The following CNTN4 variants were observed in gnomAD, a reference collection of about 807,000 sequenced individuals.
CNTN4 encodes the protein contactin-4.
CNTN4 carries 77 observed loss-of-function variants against 122.5 expected under a neutral mutation model. The ratio of observed to expected loss-of-function variants is 0.63; its 90% CI spans 0.52 to 0.76. CNTN4 has a LOEUF of 0.76. CNTN4 is among the 30% of genes least tolerant of loss of function. The pLI is 0.00. For synonymous variants in CNTN4, 512 were observed against 447.0 expected, an observed-to-expected ratio of 1.15 and a Z score of -1.83; for missense variants, 1,256 against 1,259.1, an observed-to-expected ratio of 1.00 and a Z score of 0.04.
chr3:2,560,715 T>C (rs1392009317), intron 3 of CNTN4, among the ~76,000 whole-genome samples: 2 of 152,202 alleles, frequency 1.3e-5, no homozygotes, highest in Admixed American at 6.5e-5. Flanking sequence ...GTTGCATTTG[T>C]GCACTGTTGC....
intron 7 of CNTN4, 160 bp from the exon 8 acceptor site, chr3:2,866,591 GC>G: frequency 8.8e-7 from 1 of 1,137,800 alleles, no homozygotes; most frequent in Non-Finnish European, 1.2e-6. Flanking sequence ...CTGGTAAAAT[GC>G]CACGGGGGAC....
At chr3:2,480,509 A>C (rs2075960888) in intron 3 of CNTN4, among the ~76,000 whole-genome samples, 1 of 152,216 alleles carries the variant, frequency 6.6e-6, no homozygotes, top group Non-Finnish European at 1.5e-5. Context: ...AAAACATAAT[A>C]CCATTTATGT....
chr3:3,038,453 C>G (rs567871842), intron 18 of CNTN4, among the ~76,000 whole-genome samples: 2 of 152,168 alleles, frequency 1.3e-5, no homozygotes, highest in East Asian at 1.9e-4. Flanking sequence ...GAACGCCCCC[C>G]GCTTCTCCAT....
intron 4 of CNTN4, 112 bp downstream of exon 4, chr3:2,571,670 T>C: frequency 1.3e-6 from 1 of 784,774 alleles, no homozygotes; most frequent in South Asian, 1.4e-5. Flanking sequence ...GAGTATATGC[T>C]GCTATGACTA....
intron 3 of CNTN4, among the ~76,000 whole-genome samples, chr3:2,509,388 T>G (rs1295881308): frequency 6.6e-6 from 1 of 152,218 alleles, no homozygotes; most frequent in Non-Finnish European, 1.5e-5. Flanking sequence ...CTGGTTACCT[T>G]ACAGAAATTG....
intron 2 of CNTN4, among the ~76,000 whole-genome samples, chr3:2,131,550 T>C (rs962141292): frequency 5.9e-5 from 9 of 152,044 alleles, no homozygotes; most frequent in African/African-American, 2.2e-4. Flanking sequence ...TAGGGTAAAG[T>C]GGGGTGTCAC....
At chr3:2,883,331 T>G in intron 9 of CNTN4, 84 bp downstream of exon 9, 2 of 990,314 alleles carry the variant, frequency 2.0e-6, no homozygotes. Flanking sequence ...ACAGCGATGG[T>G]TTCTGAGGTG....
chr3:2,885,722 A>G, intron 9 of CNTN4, among the ~76,000 whole-genome samples: 1 of 152,218 alleles, frequency 6.6e-6, no homozygotes, highest in East Asian at 1.9e-4. Context: ...TTTGTGGGTT[A>G]AGAATTCAGG....
intron 3 of CNTN4, among the ~76,000 whole-genome samples, chr3:2,448,256 C>T (rs770570527): frequency 2.6e-5 from 4 of 152,250 alleles, no homozygotes; most frequent in East Asian, 3.9e-4. Context: ...ATGTAGTGTC[C>T]AGTTGGAAGC....
At position 2,407,989 on chromosome 3, in the gene CNTN4, G is replaced by A. The variant is rs147012913; in HGVS notation, c.-89+68756G>A. Among the ~76,000 whole-genome samples, 7 of 152,244 alleles carry A rather than the reference G, an allele frequency of 4.6e-5. No individual in the cohort carries two copies. The East Asian group carries it at 7.7e-4, about 17-fold the overall frequency. Reference sequence around the variant, plus strand: ...ATATTTATTTAAAGTTTATTTATGAGCAGTATGGTAGTTTAAAAGGATTAT... The same window carrying A: ...ATATTTATTTAAAGTTTATTTATGAACAGTATGGTAGTTTAAAAGGATTAT... On this transcript the variant is annotated intron_variant, in intron 3 of 24. Coordinates refer to ENST00000418658, the MANE Select transcript of CNTN4 (RefSeq NM_175607.3).
intron 6 of CNTN4, 148 bp downstream of exon 6, chr3:2,745,845 T>G: frequency 1.4e-6 from 1 of 719,314 alleles, no homozygotes; most frequent in Non-Finnish European, 2.4e-6. Context: ...TGGAAACAAT[T>G]TTATTTGTAG....
chr3:2,734,416 T>C (rs1343542605), intron 4 of CNTN4, among the ~76,000 whole-genome samples: 2 of 152,130 alleles, frequency 1.3e-5, no homozygotes, highest in African/African-American at 2.4e-5. Flanking sequence ...ATCTTATTGA[T>C]TTATAGATGA....
At chr3:2,366,035 A>T (rs1037455950) in intron 3 of CNTN4, among the ~76,000 whole-genome samples, 1 of 152,178 alleles carries the variant, frequency 6.6e-6, no homozygotes, top group Non-Finnish European at 1.5e-5. Context: ...GTTACAATAC[A>T]ATATTTTATC....
intron 14 of CNTN4, among the ~76,000 whole-genome samples, chr3:3,021,115 T>G (rs1047864983): frequency 6.6e-6 from 1 of 152,182 alleles, no homozygotes; most frequent in Non-Finnish European, 1.5e-5. Context: ...AGTAGCTGAT[T>G]TTTTAAGTGT....
rs558336135 is a variant in CNTN4, at chr3:2,175,963, C to G, written c.-145+75324C>G. Among the ~76,000 whole-genome samples the G allele has an allele frequency of 3.9e-5, 6 of 152,270 alleles. No individual in the cohort carries two copies. In the East Asian group the frequency reaches 1.2e-3, roughly 29 times the overall value. ...ACCCCTTCATCTTTAAGTTAAATCT[C>G]ATGAACTCAAGTTACCTGAAAATAT... On this transcript the variant is annotated intron_variant, in intron 2 of 24. Coordinates refer to ENST00000418658, the MANE Select transcript of CNTN4 (RefSeq NM_175607.3).
intron 6 of CNTN4, among the ~76,000 whole-genome samples, chr3:2,782,502 T>TG (rs1283811866): frequency 5.9e-5 from 9 of 151,378 alleles, no homozygotes; most frequent in Admixed American, 1.3e-4. Flanking sequence ...TGTGTGTGTG[T>TG]GTGTGTGTGT....
At chr3:2,934,639 A>G (rs530326234) in intron 13 of CNTN4, among the ~76,000 whole-genome samples, 1 of 152,350 alleles carries the variant, frequency 6.6e-6, no homozygotes, top group Admixed American at 6.5e-5. Context: ...GTGTCTATAT[A>G]TGTGCTCTTA....
At chr3:2,931,669 C>A (rs1273820885) in intron 13 of CNTN4, among the ~76,000 whole-genome samples, 6 of 152,226 alleles carry the variant, frequency 3.9e-5, no homozygotes, top group Admixed American at 1.3e-4. Context: ...TGCTCCATTG[C>A]CCAGGCTGGA....
chr3:2,571,687 G>A, intron 4 of CNTN4, 129 bp downstream of exon 4: 2 of 733,220 alleles, frequency 2.7e-6, no homozygotes, highest in Non-Finnish European at 5.0e-6. Context: ...ACTAGCATTT[G>A]CTGACACTGT....
Sources: allele counts gnomAD v4.1 joint callset (sites outside exome capture counted in the v4.1 genomes callset), GRCh38; gene constraint gnomAD v4.1.1; transcripts MANE v1.5; gene names NCBI Gene and HGNC (gene_info 2026-07-23, HGNC 2026-07-21).